The following GYPB variants were observed in gnomAD, a reference collection of about 807,000 sequenced individuals.
GYPB encodes the protein glycophorin-B.
In GYPB, 13 loss-of-function variants were observed where a neutral mutation model predicts 15.3. That is an observed-to-expected ratio of 0.85 (90% CI 0.55 to 1.35). The LOEUF is 1.35. GYPB is among the 40% of genes most tolerant of loss of function. The pLI is 0.00. For synonymous variants in GYPB, 38 were observed against 36.9 expected (o/e 1.03, Z -0.11); for missense variants, 131 against 108.3 (o/e 1.21, Z -0.93).
At chr4:143,997,104 A>G (rs1727361429) in intron 4 of GYPB, among the ~76,000 whole-genome samples, 1 of 150,948 alleles carries the variant, frequency 6.6e-6, no homozygotes. Context: ...ACTAGGTTTC[A>G]CCTTTTTGCT....
chr4:143,997,672 A>G (rs1223267051), intron 3 of GYPB, 38 bp from the exon 4 acceptor site: 1 of 997,098 alleles, frequency 1.0e-6, no homozygotes, highest in Non-Finnish European at 1.6e-6. Context: ...TCTGAAATAA[A>G]TGACCACATA....
intron 1 of GYPB, among the ~76,000 whole-genome samples, chr4:144,003,227 A>G (rs1163842564): frequency 1.3e-5 from 2 of 151,470 alleles, no homozygotes; most frequent in African/African-American, 2.5e-5. Context: ...TTATTTCTAG[A>G]TAGATGAAGG....
At chr4:143,997,300 G>A (rs1727374243) in intron 4 of GYPB, 3 of 374,674 alleles carry the variant, frequency 8.0e-6, no homozygotes, top group Non-Finnish European at 1.5e-5. Flanking sequence ...CAAAAACTTA[G>A]GGAGATCTTT....
At chr4:144,002,771 C>A (rs991781929) in intron 1 of GYPB, 22 of 1,009,500 alleles carry the variant, frequency 2.2e-5, no homozygotes, top group Non-Finnish European at 3.0e-5. Flanking sequence ...AGTTCTAAAA[C>A]CTTTCTCTAT....
At chr4:144,013,649 C>T (rs1243037667) in intron 1 of GYPB, among the ~76,000 whole-genome samples, 2 of 150,660 alleles carry the variant, frequency 1.3e-5, no homozygotes, top group Admixed American at 1.3e-4. Context: ...AATCATCATT[C>T]TCAGTAAACT....
intron 1 of GYPB, among the ~76,000 whole-genome samples, chr4:144,013,917 T>TA (rs1237298223): frequency 4.8e-4 from 70 of 146,892 alleles, no homozygotes; most frequent in Admixed American, 2.9e-3. Flanking sequence ...TAAAGTATAG[T>TA]AAAAAAAAAA....
chr4:143,999,013 C>G (rs1402615700), intron 3 of GYPB, among the ~76,000 whole-genome samples: 4 of 151,066 alleles, frequency 2.6e-5, no homozygotes, highest in African/African-American at 9.9e-5. Context: ...TGGATCCGAT[C>G]CTCCCACCTC....
At chr4:143,995,758 A>T (rs1471085904), downstream of GYPB, among the ~76,000 whole-genome samples, 2 of 151,412 alleles carry the variant, frequency 1.3e-5, no homozygotes, top group Non-Finnish European at 2.9e-5. Context: ...GCCTATCAAA[A>T]ATCTGGTTTT....
chr4:144,008,264 T>G (rs576463513), intron 1 of GYPB: 3 of 404,426 alleles, frequency 7.4e-6, no homozygotes, highest in South Asian at 5.4e-5. Context: ...AGAAAGAGAA[T>G]GAGGGAATCA....
At chr4:144,017,786 T>C (rs1728584098) in intron 1 of GYPB, among the ~76,000 whole-genome samples, 1 of 151,366 alleles carries the variant, frequency 6.6e-6, no homozygotes, top group African/African-American at 2.5e-5. Context: ...AAAGAATACA[T>C]CTTTTTTTCT....
intron 1 of GYPB, among the ~76,000 whole-genome samples, chr4:144,018,042 ATAT>A (rs1435430369): frequency 1.3e-5 from 2 of 151,294 alleles, no homozygotes; most frequent in African/African-American, 4.9e-5. Context: ...AATATTACTT[ATAT>A]TATTAATACT....
chr4:144,013,607 A>C (rs1020753975), intron 1 of GYPB, among the ~76,000 whole-genome samples: 1 of 151,214 alleles, frequency 6.6e-6, no homozygotes, highest in African/African-American at 2.5e-5. Flanking sequence ...TGATGAGTTC[A>C]TGTCCTTTGT....
chr4:144,015,773 C>A (rs1211668882), intron 1 of GYPB, among the ~76,000 whole-genome samples: 1 of 151,256 alleles, frequency 6.6e-6, no homozygotes, highest in East Asian at 1.9e-4. Flanking sequence ...GGTTTGGCAG[C>A]TAGTCCAGCT....
At chr4:144,014,619 G>A (rs1728396696) in intron 1 of GYPB, among the ~76,000 whole-genome samples, 1 of 151,248 alleles carries the variant, frequency 6.6e-6, no homozygotes, top group Non-Finnish European at 1.5e-5. Context: ...TGGTTTCCAG[G>A]GGCTGGAGGA....
At chr4:144,009,394 ATTTGTGGGCCACAACTACTTTAGGC>A (rs1213770744) in intron 1 of GYPB, among the ~76,000 whole-genome samples, 7 of 150,968 alleles carry the variant, frequency 4.6e-5, no homozygotes, top group East Asian at 1.9e-4. Flanking sequence ...CTACTTTAGG[ATTTGTGGGCCACAACTACTTTAGGC>A]TTTGTGGACC....
At chr4:144,001,105 A>G in intron 2 of GYPB, 80 bp downstream of exon 2, 7 of 1,608,942 alleles carry the variant, frequency 4.4e-6, no homozygotes, top group Non-Finnish European at 5.9e-6. Flanking sequence ...GTTTCTCTGC[A>G]GTGACAGGTC....
intron 1 of GYPB, among the ~76,000 whole-genome samples, chr4:144,006,316 T>C (rs1727913522): frequency 1.3e-5 from 2 of 152,080 alleles, no homozygotes; most frequent in East Asian, 3.8e-4. Context: ...TCACCTCTCT[T>C]GTCTCTTATC....
At chr4:144,007,135 CA>C (rs1400800363) in intron 1 of GYPB, among the ~76,000 whole-genome samples, 2 of 150,868 alleles carry the variant, frequency 1.3e-5, no homozygotes, top group Non-Finnish European at 2.9e-5. Flanking sequence ...TAAGCCAAAG[CA>C]GCCAACTACA....
At chr4:143,996,434 T>A in intron 4 of GYPB, 130 bp from the exon 5 acceptor site, 4 of 1,490,962 alleles carry the variant, frequency 2.7e-6, no homozygotes, top group Non-Finnish European at 3.6e-6. Context: ...TTCTAAAGGG[T>A]ACCTAGGGGT....
Sources: gnomAD v4.1 joint callset for allele counts (sites outside exome capture counted in the v4.1 genomes callset) on GRCh38, gnomAD v4.1.1 for gene constraint, MANE v1.5 for transcripts, NCBI Gene and HGNC (gene_info 2026-07-23, HGNC 2026-07-21) for gene names.